BNC2: variants seen among roughly 807,000 people sequenced by gnomAD.
The protein encoded by BNC2 is zinc finger protein basonuclin-2.
In BNC2, 20 loss-of-function variants were observed where a neutral mutation model predicts 76.3. The ratio of observed to expected loss-of-function variants is 0.26; its 90% CI spans 0.18 to 0.38. BNC2 has a LOEUF of 0.38. Among genes scored for constraint, BNC2 ranks in the 10% least tolerant of loss-of-function variants. The pLI, the probability that BNC2 is intolerant of heterozygous loss-of-function variation, is 1.00. For synonymous variants in BNC2, 582 were observed against 514.8 expected (o/e 1.13, Z -1.77); for missense variants, 1,382 against 1,399.8 (o/e 0.99, Z 0.20).
intron 3 of BNC2, among the ~76,000 whole-genome samples, chr9:16,627,711 C>T (rs1364418511): frequency 6.6e-6 from 1 of 152,170 alleles, no homozygotes; most frequent in East Asian, 1.9e-4. Context: ...TAATACCATA[C>T]TCATATTTTA....
intron 1 of BNC2, among the ~76,000 whole-genome samples, chr9:16,770,704 A>G (rs1286004988): frequency 6.6e-6 from 1 of 152,122 alleles, no homozygotes; most frequent in East Asian, 1.9e-4. Flanking sequence ...ACCTCTACAA[A>G]AAATACAAAA....
intron 3 of BNC2, among the ~76,000 whole-genome samples, chr9:16,634,923 C>G (rs1821278948): frequency 6.6e-6 from 1 of 152,004 alleles, no homozygotes; most frequent in Non-Finnish European, 1.5e-5. Context: ...ATAACACCAG[C>G]AATTTCCTTA....
intron 3 of BNC2, chr9:16,727,509 T>C: frequency 5.5e-6 from 2 of 363,248 alleles, no homozygotes; most frequent in Admixed American, 4.3e-5. Context: ...AAGAAATAAA[T>C]TAAGTCTTCC....
intron 3 of BNC2, among the ~76,000 whole-genome samples, chr9:16,583,721 T>A (rs935858271): frequency 3.3e-5 from 5 of 152,156 alleles, no homozygotes; most frequent in African/African-American, 1.2e-4. Flanking sequence ...ACAATCCTCC[T>A]CTTATTTCAA....
chr9:16,437,108 T>G lies in BNC2; in HGVS notation c.1086A>C (p.Glu362Asp), dbSNP rs988615488. Residue 362 changes from glutamate to aspartate, a missense_variant, in exon 6 of 7, where the codon GAA becomes GAC. Coordinates refer to ENST00000380672, the MANE Select transcript of BNC2 (RefSeq NM_017637.6). ...CTTCGGATTCGCTGCTCTCATTATA[T>G]TCATTCTGAGTTGAAAGGCTGGGTT... is the stretch of plus-strand genomic sequence containing the variant. ...LREPSLSTQN[E>D]YNESSESEVS... 3.1e-6 allele frequency: 5 copies of G among 1,614,070 alleles called. No individual in the cohort carries two copies. The African/African-American group carries it at 5.3e-5, about 17-fold the overall frequency.
chr9:16,858,181 C>A (rs1819309278), intron 1 of BNC2, among the ~76,000 whole-genome samples: 1 of 152,150 alleles, frequency 6.6e-6, no homozygotes, highest in African/African-American at 2.4e-5. Flanking sequence ...TGGTTTTCTT[C>A]CCCCTTTCCT....
chr9:16,679,814 T>C (rs989705648), intron 3 of BNC2, among the ~76,000 whole-genome samples: 6 of 152,382 alleles, frequency 3.9e-5, no homozygotes, highest in Admixed American at 3.3e-4. Context: ...TCGGAGGAAC[T>C]TGGCTCCTGC....
Position 16,857,355 on chromosome 9 carries a change from T to G in BNC2, c.3+13291A>C, listed in dbSNP as rs540937056. Among the ~76,000 whole-genome samples the G allele has an allele frequency of 2.0e-4, 30 of 151,910 alleles. No individual in the cohort carries two copies. In the East Asian group the frequency reaches 5.4e-3, roughly 28 times the overall value. The stretch of plus-strand genomic sequence containing the variant: ...AGCCGGGCGGGTTGGCAGGCACCTG[T>G]AATCCCAGCTACTCGGGAGGCTAAG... On this transcript the variant is annotated intron_variant, in intron 1 of 6. Transcript: ENST00000380672.
Position 16,435,544 on chromosome 9 carries a change from G to C in BNC2, c.2639+11C>G. Reference sequence around the variant, plus strand: ...ACCCCCAGCAGGAGCAGCCAATGGAGATTTACTGACCTGTCTCGGCTTCGG... The same window carrying C: ...ACCCCCAGCAGGAGCAGCCAATGGACATTTACTGACCTGTCTCGGCTTCGG... On this transcript the variant is annotated intron_variant, in intron 6 of 6. Transcript: ENST00000380672. 6.2e-7 allele frequency: 1 copy of C among 1,613,432 alleles called. No individual in the cohort carries two copies. Among genetic ancestry groups the C allele is most frequent in the Non-Finnish European group, 8.5e-7 (1 of 1,179,960 alleles).
At chr9:16,784,820 C>T (rs1001239996) in intron 1 of BNC2, among the ~76,000 whole-genome samples, 1 of 152,224 alleles carries the variant, frequency 6.6e-6, no homozygotes, top group Non-Finnish European at 1.5e-5. Context: ...TGCCCTCCAA[C>T]TGCGGAGCAA....
intron 1 of BNC2, among the ~76,000 whole-genome samples, chr9:16,774,074 C>T (rs1023263115): frequency 6.6e-6 from 1 of 152,128 alleles, no homozygotes; most frequent in Non-Finnish European, 1.5e-5. Flanking sequence ...CTTTGTCTCC[C>T]AGGCTCAAGG....
At chr9:16,706,985 G>C (rs1050345702) in intron 3 of BNC2, among the ~76,000 whole-genome samples, 7 of 152,186 alleles carry the variant, frequency 4.6e-5, no homozygotes, top group African/African-American at 7.2e-5. Flanking sequence ...GGCGGATCAC[G>C]AGGTCAGGAG....
chr9:16,505,686 A>C (rs186752739), intron 5 of BNC2, among the ~76,000 whole-genome samples: 2 of 152,332 alleles, frequency 1.3e-5, no homozygotes, highest in African/African-American at 4.8e-5. Flanking sequence ...CTGAGTCCTT[A>C]TCAGTAACAG....
chr9:16,526,293 C>T (rs1395863495), intron 5 of BNC2, among the ~76,000 whole-genome samples: 1 of 152,020 alleles, frequency 6.6e-6, no homozygotes, highest in Non-Finnish European at 1.5e-5. Context: ...CATTTGCTAA[C>T]TCCTTACACC....
At chr9:16,662,147 C>G (rs745423493) in intron 3 of BNC2, among the ~76,000 whole-genome samples, 2 of 152,190 alleles carry the variant, frequency 1.3e-5, no homozygotes, top group Non-Finnish European at 2.9e-5. Flanking sequence ...GAGGGGAAAA[C>G]ATTCACATAT....
intron 3 of BNC2, among the ~76,000 whole-genome samples, chr9:16,667,690 C>T (rs1822341701): frequency 6.6e-6 from 1 of 152,096 alleles, no homozygotes; most frequent in Non-Finnish European, 1.5e-5. Flanking sequence ...ACATTTACCA[C>T]ATTTGTAATA....
rs936146590 is a variant in BNC2 at position 16,413,970 on chromosome 9, C to T, written c.*5019G>A. 1 of 152,136 alleles carries T rather than the reference C, an allele frequency of 6.6e-6. No individual in the cohort carries two copies. Among genetic ancestry groups the T allele is most frequent in the Admixed American group, 6.5e-5 (1 of 15,276 alleles). 9.4% of individuals were successfully genotyped at this position (152,136 alleles called of 1,614,324 possible). ...ACCTACTCCTCTGTTAGGATGAAAA[C>T]GAGGTGTTACCACTGGCCTTTTCTA... On this transcript the variant is annotated 3_prime_UTR_variant, in exon 7 of 7. Coordinates refer to ENST00000380672, the MANE Select transcript of BNC2 (RefSeq NM_017637.6).
Position 16,727,943 on chromosome 9 carries a change from GCTCT to G in BNC2, c.180_183del (p.Arg60SerfsTer8). Reference sequence around the variant, plus strand: ...AAAGTCAAGTCTCTTGCCCTCTTTGGCTCTCTGTCTCTCTGTGTCTCTCTTTCTC... The same window carrying G: ...AAAGTCAAGTCTCTTGCCCTCTTTGGCTGTCTCTCTGTGTCTCTCTTTCTC... On this transcript the variant is annotated frameshift_variant, in exon 3 of 7. Coordinates refer to ENST00000380672, the MANE Select transcript of BNC2 (RefSeq NM_017637.6). LOFTEE classifies it high-confidence loss of function. 1.9e-6 allele frequency: 3 copies of G among 1,614,036 alleles called. No individual in the cohort carries two copies. The highest frequency in any genetic ancestry group is 2.5e-6 in the Non-Finnish European group (3 of 1,179,990).
At chr9:16,421,825 A>C (rs1820716073) in intron 6 of BNC2, among the ~76,000 whole-genome samples, 1 of 151,982 alleles carries the variant, frequency 6.6e-6, no homozygotes. Flanking sequence ...CTATTGATAA[A>C]ACTATCTGCC....
Sources: allele counts gnomAD v4.1 joint callset (sites outside exome capture counted in the v4.1 genomes callset), GRCh38; gene constraint gnomAD v4.1.1; transcripts MANE v1.5; gene names NCBI Gene and HGNC (gene_info 2026-07-23, HGNC 2026-07-21).